The following ZNF385D variants were observed in gnomAD, a reference collection of about 807,000 sequenced individuals.
ZNF385D encodes zinc finger protein 385D.
ZNF385D carries 15 observed loss-of-function variants against 35.8 expected under a neutral mutation model. The observed-to-expected ratio is 0.42, with a 90% CI of 0.28 to 0.64. The LOEUF (loss-of-function observed/expected upper bound fraction) is 0.64, where lower values mean the gene tolerates loss of function less well. Ranked by LOEUF, ZNF385D falls within the 30% of genes least tolerant of loss-of-function variation. The pLI is 0.23. For missense variants in ZNF385D, 474 were observed against 494.6 expected, an observed-to-expected ratio of 0.96 and a Z score of 0.39; for synonymous variants, 212 against 186.8, an observed-to-expected ratio of 1.13 and a Z score of -1.10.
chr3:22,253,861 G>T (rs887171165), intron 2 of ZNF385D, among the ~76,000 whole-genome samples: 1 of 151,788 alleles, frequency 6.6e-6, no homozygotes, highest in South Asian at 2.1e-4. Flanking sequence ...GACAAGAGAG[G>T]CATTTCAAAT....
At chr3:21,835,281 A>C (rs1695261355) in intron 3 of ZNF385D, among the ~76,000 whole-genome samples, 1 of 152,102 alleles carries the variant, frequency 6.6e-6, no homozygotes, top group Non-Finnish European at 1.5e-5. Flanking sequence ...AAAAGCAGCA[A>C]AAATAAATAT....
chr3:22,142,754 G>C (rs943083514), intron 3 of ZNF385D, among the ~76,000 whole-genome samples: 5 of 152,056 alleles, frequency 3.3e-5, no homozygotes, highest in Admixed American at 6.5e-5. Flanking sequence ...TTATTTCCCA[G>C]CTTCCTCCTT....
At chr3:21,451,950 A>G (rs1374570449) in intron 4 of ZNF385D, among the ~76,000 whole-genome samples, 1 of 152,040 alleles carries the variant, frequency 6.6e-6, no homozygotes, top group Non-Finnish European at 1.5e-5. Context: ...GCTAAGTATT[A>G]AAAATTGCAT....
intron 4 of ZNF385D, among the ~76,000 whole-genome samples, chr3:21,509,933 A>G (rs1707078311): frequency 6.6e-6 from 1 of 152,202 alleles, no homozygotes; most frequent in Non-Finnish European, 1.5e-5. Flanking sequence ...GGTTGTCGTA[A>G]TCTATTCTAT....
At chr3:21,904,583 T>C (rs1699580387) in intron 3 of ZNF385D, among the ~76,000 whole-genome samples, 1 of 152,122 alleles carries the variant, frequency 6.6e-6, no homozygotes, top group South Asian at 2.1e-4. Flanking sequence ...TTCTGTAAAA[T>C]GAAGGGCCTA....
chr3:22,111,806 G>C (rs1427046906), intron 3 of ZNF385D, among the ~76,000 whole-genome samples: 2 of 152,094 alleles, frequency 1.3e-5, no homozygotes, highest in Non-Finnish European at 2.9e-5. Flanking sequence ...CCTGAACAGT[G>C]AAACATAGAG....
At chr3:21,799,463 G>C (rs2072300502) in intron 3 of ZNF385D, among the ~76,000 whole-genome samples, 1 of 152,140 alleles carries the variant, frequency 6.6e-6, no homozygotes, top group Non-Finnish European at 1.5e-5. Context: ...TGGGTATGGA[G>C]TATTTGTGGT....
At chr3:21,582,898 C>A (rs1559430315) in intron 2 of ZNF385D, among the ~76,000 whole-genome samples, 1 of 152,082 alleles carries the variant, frequency 6.6e-6, no homozygotes, top group Non-Finnish European at 1.5e-5. Context: ...CTGCCTCAGT[C>A]TCCTGATTAG....
intron 3 of ZNF385D, among the ~76,000 whole-genome samples, chr3:21,896,190 A>G (rs1377998961): frequency 6.6e-6 from 1 of 152,162 alleles, no homozygotes; most frequent in African/African-American, 2.4e-5. Flanking sequence ...ACCAGAAAAA[A>G]AGAAGCTTGG....
chr3:22,272,558 AGCCTTG>A (rs1701230861), intron 2 of ZNF385D, among the ~76,000 whole-genome samples: 1 of 152,032 alleles, frequency 6.6e-6, no homozygotes. Context: ...TTATGAAAGC[AGCCTTG>A]TAAAACCTGT....
At chr3:21,995,146 C>T (rs537528978) in intron 3 of ZNF385D, among the ~76,000 whole-genome samples, 4 of 152,312 alleles carry the variant, frequency 2.6e-5, no homozygotes, top group African/African-American at 7.2e-5. Context: ...ACCTTCAGGC[C>T]CCTAGGCAAC....
intron 4 of ZNF385D, among the ~76,000 whole-genome samples, chr3:21,462,815 C>G (rs989049476): frequency 7.2e-5 from 11 of 152,064 alleles, no homozygotes; most frequent in African/African-American, 2.7e-4. Context: ...AACCCCGTCT[C>G]TACTAAATAT....
intron 2 of ZNF385D, among the ~76,000 whole-genome samples, chr3:22,337,344 G>A (rs1695218567): frequency 6.6e-6 from 1 of 152,090 alleles, no homozygotes; most frequent in Non-Finnish European, 1.5e-5. Flanking sequence ...GACCAGCCTG[G>A]ACAACAGGGT....
chr3:22,158,556 CAT>C (rs1282930455), intron 3 of ZNF385D, among the ~76,000 whole-genome samples: 1 of 152,054 alleles, frequency 6.6e-6, no homozygotes, highest in African/African-American at 2.4e-5. Context: ...AAAGAGAAGA[CAT>C]GTATCTGGGC....
chr3:22,370,423 C>T (rs1363582193), intron 2 of ZNF385D, among the ~76,000 whole-genome samples: 2 of 152,030 alleles, frequency 1.3e-5, no homozygotes, highest in Non-Finnish European at 2.9e-5. Flanking sequence ...AGCTGGCAGT[C>T]CGAATTATAT....
chr3:22,333,528 T>C (rs902844201), intron 2 of ZNF385D, among the ~76,000 whole-genome samples: 1 of 152,208 alleles, frequency 6.6e-6, no homozygotes, highest in African/African-American at 2.4e-5. Flanking sequence ...TCAATTTCAC[T>C]GAACTTCTGT....
intron 3 of ZNF385D, among the ~76,000 whole-genome samples, chr3:22,037,675 G>A (rs1388122971): frequency 6.6e-6 from 1 of 152,050 alleles, no homozygotes; most frequent in Non-Finnish European, 1.5e-5. Context: ...TCACTCTGAT[G>A]GTAGTTTCTT....
At chr3:22,072,573 T>C (rs1281965789) in intron 3 of ZNF385D, among the ~76,000 whole-genome samples, 2 of 151,886 alleles carry the variant, frequency 1.3e-5, no homozygotes, top group Non-Finnish European at 2.9e-5. Flanking sequence ...GGAAGGAAAA[T>C]GATTTTCAAA....
At chr3:21,467,158 A>G (rs1484163779) in intron 4 of ZNF385D, among the ~76,000 whole-genome samples, 1 of 152,244 alleles carries the variant, frequency 6.6e-6, no homozygotes, top group Non-Finnish European at 1.5e-5. Flanking sequence ...AACTTAAGTC[A>G]GTAATATCTT....
Sources: allele counts gnomAD v4.1 joint callset (sites outside exome capture counted in the v4.1 genomes callset), GRCh38; gene constraint gnomAD v4.1.1; transcripts MANE v1.5; gene names NCBI Gene and HGNC (gene_info 2026-07-23, HGNC 2026-07-21).